The following MADD variants were observed in gnomAD, a reference collection of about 807,000 sequenced individuals.
The protein encoded by MADD is MAP kinase activating death domain.
A neutral mutation model predicts 176.7 loss-of-function variants in MADD; 109 were observed. The observed-to-expected ratio is 0.62, with a 90% CI of 0.53 to 0.72. MADD has a LOEUF of 0.72. MADD is among the 30% of genes least tolerant of loss of function. The probability of loss-of-function intolerance (pLI) is 0.00; values close to 1 mark genes in which losing one functional copy is unlikely to be tolerated. For synonymous variants in MADD, 771 were observed against 771.3 expected (o/e 1.00, Z 0.01); for missense variants, 1,914 against 2,045.5 (o/e 0.94, Z 1.24).
exon 18 of MADD, chr11:47,290,205 C>A: frequency 6.2e-7 from 1 of 1,614,138 alleles, no homozygotes; most frequent in African/African-American, 1.3e-5. Context: ...GTACAGTCCT[C>A]AGCTTGGAGC....
At chr11:47,305,124 C>T (rs2081564651) in intron 22 of MADD, among the ~76,000 whole-genome samples, 1 of 152,052 alleles carries the variant, frequency 6.6e-6, no homozygotes, top group African/African-American at 2.4e-5. Context: ...TTGGAGTCCT[C>T]CTATTCTCAT....
intron 10 of MADD, among the ~76,000 whole-genome samples, chr11:47,283,201 C>T (rs2058260636): frequency 1.3e-5 from 2 of 152,178 alleles, no homozygotes; most frequent in South Asian, 4.1e-4. Context: ...TCATGCCATT[C>T]TCCTGCCTCA....
intron 3 of MADD, 55 bp downstream of exon 3, chr11:47,275,214 T>A: frequency 1.3e-6 from 2 of 1,503,294 alleles, no homozygotes; most frequent in South Asian, 2.5e-5. Context: ...TCCATGTAAT[T>A]GGTCTTTGAG....
intron 26 of MADD, among the ~76,000 whole-genome samples, chr11:47,313,213 A>G (rs1025425425): frequency 6.6e-6 from 1 of 152,226 alleles, no homozygotes; most frequent in Non-Finnish European, 1.5e-5. Context: ...ATTGGTGGTG[A>G]TATTAATGAA....
chr11:47,313,507 A>G (rs530624013), intron 26 of MADD, among the ~76,000 whole-genome samples: 2 of 149,202 alleles, frequency 1.3e-5, no homozygotes, highest in South Asian at 4.2e-4. Flanking sequence ...GTATTTTAAT[A>G]GAGACGGGGT....
intron 9 of MADD, 47 bp from the exon 10 acceptor site, chr11:47,282,766 T>A: frequency 6.2e-7 from 1 of 1,602,112 alleles, no homozygotes; most frequent in Non-Finnish European, 8.5e-7. Context: ...GTTGCTTGCC[T>A]TTTTTTCCTT....
chr11:47,299,155 C>T (rs1352553149), intron 22 of MADD, among the ~76,000 whole-genome samples: 1 of 151,920 alleles, frequency 6.6e-6, no homozygotes, highest in Non-Finnish European at 1.5e-5. Flanking sequence ...TATCTGGGGT[C>T]TTTTGTGGTT....
intron 14 of MADD, 44 bp downstream of exon 14, chr11:47,285,634 C>G (rs1274175439): frequency 6.2e-7 from 1 of 1,611,630 alleles, no homozygotes; most frequent in Non-Finnish European, 8.5e-7. Flanking sequence ...GTTCCATTTT[C>G]TCTACAGCAG....
intron 19 of MADD, 64 bp downstream of exon 21, chr11:47,292,660 T>C (rs369278574): frequency 6.5e-7 from 1 of 1,536,252 alleles, no homozygotes; most frequent in Non-Finnish European, 9.0e-7. Context: ...CCAGGCCCAG[T>C]TGGGGCAGGC....
At chr11:47,278,099 C>T in intron 5 of MADD, 66 bp from the exon 6 acceptor site, 2 of 1,050,642 alleles carry the variant, frequency 1.9e-6, no homozygotes, top group Non-Finnish European at 3.0e-6. Flanking sequence ...CTAGAAGAAT[C>T]CAGACTTGAT....
intron 24 of MADD, 42 bp downstream of exon 27, chr11:47,309,443 C>A: frequency 3.7e-6 from 6 of 1,614,016 alleles, no homozygotes; most frequent in Non-Finnish European, 5.1e-6. Flanking sequence ...CAAACTCAGC[C>A]TCCTCCCAGT....
intron 27 of MADD, 69 bp from the exon 31 acceptor site, chr11:47,323,602 T>G (rs2094920021): frequency 6.5e-7 from 1 of 1,538,708 alleles, no homozygotes; most frequent in Admixed American, 1.7e-5. Flanking sequence ...CACCTTTCCC[T>G]GTAGGAAACA....
intron 22 of MADD, among the ~76,000 whole-genome samples, chr11:47,299,034 G>T (rs1334462579): frequency 6.6e-6 from 1 of 152,122 alleles, no homozygotes; most frequent in Non-Finnish European, 1.5e-5. Flanking sequence ...TGTTCCATTG[G>T]TCTATGGGTC....
intron 1 of MADD, among the ~76,000 whole-genome samples, chr11:47,271,313 G>A (rs902636549): frequency 1.3e-5 from 2 of 152,162 alleles, no homozygotes; most frequent in African/African-American, 4.8e-5. Flanking sequence ...TTGGGGAGGG[G>A]AGAGAGGAGA....
chr11:47,318,520 T>TCTTTTC (rs1159920277), intron 27 of MADD, among the ~76,000 whole-genome samples: 24 of 152,308 alleles, frequency 1.6e-4, no homozygotes, highest in African/African-American at 3.6e-4. Context: ...CTTGCCCTTT[T>TCTTTTC]CTTTTCCTTT....
chr11:47,328,573 G>A, intron 31 of MADD, 85 bp from the exon 36 acceptor site: 7 of 1,591,718 alleles, frequency 4.4e-6, no homozygotes, highest in East Asian at 4.5e-5. Context: ...GGACCCTGAC[G>A]CCGGGCGCTG....
rs142397548 is a variant in MADD, at chr11:47,285,646, G to T, written c.2551+56G>T. 3.2e-5 allele frequency: 52 copies of T among 1,606,486 alleles called. No homozygotes were observed. In the African/African-American group the frequency reaches 5.1e-4, roughly 16 times the overall value. On this transcript the variant is annotated intron_variant, in intron 14 of 32. Coordinates refer to ENST00000402192, the Ensembl canonical transcript of MADD. ...TGTGTTCCATTTTCTCTACAGCAGA[G>T]CCTGACTATGGCAAATGTTGCTTAG...
Position 47,325,231 on chromosome 11 carries a change from T to TG in MADD, c.4542+654_4542+655insG, listed in dbSNP as rs909645569. The stretch of plus-strand genomic sequence containing the variant: ...TGTAATTCCACCATAGGAGCTGACT[T>TG]TTTTTTTTCTCTCTTGGTCTTTTAA... On this transcript the variant is annotated intron_variant, in intron 30 of 32. Coordinates refer to ENST00000402192, the Ensembl canonical transcript of MADD. This position sits in a 1 kb window ranked among gnomAD's most constrained non-coding sequence, Gnocchi z 4.5. 1 of 158,376 alleles carries TG rather than the reference T, an allele frequency of 6.3e-6. No individual in the cohort carries two copies. Among genetic ancestry groups the TG allele is most frequent in the African/African-American group, 2.4e-5 (1 of 41,234 alleles). The allele number at this position is 158,376 out of a possible 1,614,324, so 9.8% of individuals were successfully genotyped here.
At chr11:47,270,155 C>G (rs926412644), upstream of MADD, 1 of 152,036 alleles carries the variant, frequency 6.6e-6, no homozygotes, top group Non-Finnish European at 1.5e-5. Context: ...GAACTGGCGC[C>G]CGCTCGGAGC....
Sources: allele counts gnomAD v4.1 joint callset (sites outside exome capture counted in the v4.1 genomes callset), GRCh38; gene constraint gnomAD v4.1.1; non-coding constraint Gnocchi (gnomAD v3.1); transcripts MANE v1.5; gene names NCBI Gene and HGNC (gene_info 2026-07-23, HGNC 2026-07-21).